MEIS1: variants seen among roughly 807,000 people sequenced by gnomAD.
MEIS1 encodes homeobox protein Meis1.
In MEIS1, 5 loss-of-function variants were observed where a neutral mutation model predicts 50.8. The observed-to-expected ratio is 0.10, with a 90% CI of 0.05 to 0.21. The LOEUF is 0.21. MEIS1 is among the 10% of genes least tolerant of loss of function. The probability of loss-of-function intolerance (pLI) is 1.00; values close to 1 mark genes in which losing one functional copy is unlikely to be tolerated. For synonymous variants in MEIS1, 176 were observed against 179.3 expected (o/e 0.98, Z 0.15); for missense variants, 318 against 517.3 (o/e 0.61, Z 3.74).
In MEIS1 at chr2:66,437,761, G is replaced by A; in HGVS notation, c.37G>A (p.Gly13Ser). The A allele has an allele frequency of 3.1e-6, 5 of 1,613,760 alleles. No homozygotes were observed. Among genetic ancestry groups the A allele is most frequent in the Non-Finnish European group, 4.2e-6 (5 of 1,179,856 alleles). ...GTACGACGATCTACCCCATTACGGGGGCATGGATGGAGTAGGCATCCCCTC... is the reference window on the plus strand; with the variant it reads ...GTACGACGATCTACCCCATTACGGGAGCATGGATGGAGTAGGCATCCCCTC... ...QRYDDLPHYGGMDGVGIPSTM... is the reference protein window; with the variant it reads ...QRYDDLPHYGSMDGVGIPSTM... The change falls in exon 2 of 13, where the codon GGC (glycine) becomes AGC (serine). Residue 13 changes from glycine to serine, a missense_variant. By Grantham distance (56) the Gly-to-Ser change is moderately conservative. Coordinates refer to ENST00000272369, the MANE Select transcript of MEIS1 (RefSeq NM_002398.3).
rs1015596281 is a variant in MEIS1, at chr2:66,439,752, C to G, written c.240-91C>G. ...ACAATCGGAGAGGGGGTCTGTTCCT[C>G]TTGCTCCTCCAGCTGTTTTTCTTGG... is the stretch of plus-strand genomic sequence containing the variant. On this transcript the variant is annotated intron_variant, in intron 2 of 12. Coordinates refer to ENST00000272369, the MANE Select transcript of MEIS1 (RefSeq NM_002398.3). The G allele has an allele frequency of 3.1e-6, 5 of 1,603,232 alleles. No homozygotes were observed. In the African/African-American group the frequency reaches 5.4e-5, roughly 17 times the overall value.
At chr2:66,560,390 A>G (rs146604851) in intron 9 of MEIS1, among the ~76,000 whole-genome samples, 16 of 151,938 alleles carry the variant, frequency 1.1e-4, no homozygotes, top group African/African-American at 3.6e-4. Flanking sequence ...GTTTGAGATC[A>G]GCCTGGGCAA....
rs528621048 is a variant in MEIS1, at chr2:66,438,439, C to G, written c.239+476C>G. ...CTGGCTCTGCCACTGCACAATAAAA[C>G]CAAAGCAGGACAGTTGCAGGTCAAG... is the stretch of plus-strand genomic sequence containing the variant. On this transcript the variant is annotated intron_variant, in intron 2 of 12. Coordinates refer to ENST00000272369, the MANE Select transcript of MEIS1 (RefSeq NM_002398.3). Among the ~76,000 whole-genome samples the G allele has an allele frequency of 5.3e-5, 8 of 152,302 alleles. No individual in the cohort carries two copies. In the South Asian group the frequency reaches 1.7e-3, roughly 32 times the overall value.
chr2:66,495,816 T>C (rs1673388500), intron 7 of MEIS1, among the ~76,000 whole-genome samples: 1 of 152,146 alleles, frequency 6.6e-6, no homozygotes, highest in African/African-American at 2.4e-5. Context: ...ATCTAGAAAT[T>C]GGCCGCTGTG....
At chr2:66,488,335 T>A (rs1673189618) in intron 7 of MEIS1, among the ~76,000 whole-genome samples, 1 of 152,164 alleles carries the variant, frequency 6.6e-6, no homozygotes. Context: ...TTCATGTTTT[T>A]CTCCTTGGAT....
At chr2:66,495,873 G>A (rs1280599235) in intron 7 of MEIS1, among the ~76,000 whole-genome samples, 2 of 152,210 alleles carry the variant, frequency 1.3e-5, no homozygotes, top group African/African-American at 4.8e-5. Context: ...AGTGTAGCAA[G>A]TTCAGGCCTG....
intron 9 of MEIS1, among the ~76,000 whole-genome samples, chr2:66,565,125 G>A (rs1675315750): frequency 6.6e-6 from 1 of 152,038 alleles, no homozygotes; most frequent in African/African-American, 2.4e-5. Context: ...CAGCCCTTTT[G>A]AAACCTGAGG....
At chr2:66,465,637 A>G (rs1672618130) in intron 7 of MEIS1, among the ~76,000 whole-genome samples, 1 of 152,148 alleles carries the variant, frequency 6.6e-6, no homozygotes, top group Non-Finnish European at 1.5e-5. Context: ...GTCGCAGCCT[A>G]GTGTTTGGCT....
chr2:66,568,648 A>G lies in MEIS1; in HGVS notation c.1025-19A>G. On this transcript the variant is annotated intron_variant, in intron 10 of 12. Transcript: ENST00000272369. Reference sequence around the variant, plus strand: ...TCTCAGAGACTGTTATTAAAAAACCACATTCTGTACTTTTGTAGTAAGTCA... The same window carrying G: ...TCTCAGAGACTGTTATTAAAAAACCGCATTCTGTACTTTTGTAGTAAGTCA... 6.2e-7 allele frequency: 1 copy of G among 1,605,730 alleles called. No individual in the cohort carries two copies. The highest frequency in any genetic ancestry group is 8.5e-7 in the Non-Finnish European group (1 of 1,172,390).
At chr2:66,455,707 G>A (rs932252123) in intron 6 of MEIS1, among the ~76,000 whole-genome samples, 4 of 152,110 alleles carry the variant, frequency 2.6e-5, no homozygotes, top group Non-Finnish European at 4.4e-5. Context: ...GCAGCCCAGC[G>A]CCTGAGTATT....
chr2:66,502,460 A>G (rs1403872495), intron 7 of MEIS1, among the ~76,000 whole-genome samples: 4 of 152,248 alleles, frequency 2.6e-5, no homozygotes, highest in Non-Finnish European at 4.4e-5. Flanking sequence ...ATTTGCAATA[A>G]CAGATCTTTC....
chr2:66,475,831 A>G (rs555625853), intron 7 of MEIS1, among the ~76,000 whole-genome samples: 2 of 152,344 alleles, frequency 1.3e-5, no homozygotes, highest in South Asian at 4.1e-4. Flanking sequence ...GATTGATTGG[A>G]CTAGGTATCT....
At chr2:66,536,270 A>G (rs558978290) in intron 8 of MEIS1, among the ~76,000 whole-genome samples, 2 of 152,368 alleles carry the variant, frequency 1.3e-5, no homozygotes, top group Non-Finnish European at 2.9e-5. Flanking sequence ...CATCATCTTA[A>G]TATTTTAATA....
intron 8 of MEIS1, among the ~76,000 whole-genome samples, chr2:66,518,166 G>A (rs531182877): frequency 1.3e-5 from 2 of 152,246 alleles, no homozygotes; most frequent in South Asian, 2.1e-4. Flanking sequence ...GAAAACAATC[G>A]AAAGCAAAAT....
chr2:66,453,725 T>C (rs946623842), intron 6 of MEIS1, among the ~76,000 whole-genome samples: 8 of 151,924 alleles, frequency 5.3e-5, no homozygotes, highest in African/African-American at 1.9e-4. Flanking sequence ...CTATTAATAA[T>C]TATTAGTGGA....
At chr2:66,441,331 G>T in intron 4 of MEIS1, 83 bp from the exon 5 acceptor site, 1 of 1,179,862 alleles carries the variant, frequency 8.5e-7, no homozygotes, top group Non-Finnish European at 1.2e-6. Flanking sequence ...GGTGGGAGGG[G>T]GTGGGCTGGA....
At chr2:66,549,135 A>G (rs781094462) in intron 9 of MEIS1, among the ~76,000 whole-genome samples, 1 of 152,218 alleles carries the variant, frequency 6.6e-6, no homozygotes, top group Non-Finnish European at 1.5e-5. Flanking sequence ...TTCTGTCAAT[A>G]TAATCCCATG....
At chr2:66,571,222 T>G (rs1201140645) in intron 12 of MEIS1, 24 bp from the exon 13 acceptor site, 2 of 1,550,158 alleles carry the variant, frequency 1.3e-6, no homozygotes, top group Non-Finnish European at 1.7e-6. Flanking sequence ...TTCTTTTTGT[T>G]TCTTTCTTTT....
rs377061071 is a variant in MEIS1 at position 66,515,256 on chromosome 2, C to T, written c.888+2962C>T. Among the ~76,000 whole-genome samples the T allele has an allele frequency of 1.1e-3, 162 of 152,284 alleles. No individual in the cohort carries two copies. The Middle Eastern group carries it at 0.014, about 13-fold the overall frequency. On this transcript the variant is annotated intron_variant, in intron 8 of 12. Transcript: ENST00000272369. ...TGTCAAAAGACATATTCGAAAACCT[C>T]TCACACCTTTTAAAAGCAAATTGCT...
Sources: gnomAD v4.1 joint callset for allele counts (sites outside exome capture counted in the v4.1 genomes callset) on GRCh38, gnomAD v4.1.1 for gene constraint, MANE v1.5 for transcripts, NCBI Gene and HGNC (gene_info 2026-07-23, HGNC 2026-07-21) for gene names.